CNGB3: variants seen among roughly 807,000 people sequenced by gnomAD.
CNGB3 encodes the protein cyclic nucleotide-gated channel beta-3.
In CNGB3, 86 loss-of-function variants were observed where a neutral mutation model predicts 92.8. The observed-to-expected ratio is 0.93, with a 90% CI of 0.78 to 1.11. CNGB3 has a LOEUF of 1.11. Ranked by LOEUF, CNGB3 falls within the 50% of genes least tolerant of loss-of-function variation. The pLI, the probability that CNGB3 is intolerant of heterozygous loss-of-function variation, is 0.00. For missense variants in CNGB3, 1,026 were observed against 956.8 expected, an observed-to-expected ratio of 1.07 and a Z score of -0.95; for synonymous variants, 333 against 332.7, an observed-to-expected ratio of 1.00 and a Z score of -0.01.
intron 7 of CNGB3, among the ~76,000 whole-genome samples, chr8:86,653,211 C>A (rs1430621465): frequency 1.3e-5 from 2 of 151,958 alleles, no homozygotes; most frequent in Non-Finnish European, 2.9e-5. Flanking sequence ...TTGGAATAAG[C>A]TTTATGGCAT....
At chr8:86,591,848 T>G (rs1436317571) in intron 15 of CNGB3, among the ~76,000 whole-genome samples, 1 of 152,198 alleles carries the variant, frequency 6.6e-6, no homozygotes, top group Non-Finnish European at 1.5e-5. Flanking sequence ...CAGGCCTCCT[T>G]GAGCTGTGGT....
At chr8:86,654,588 C>T (rs1823467744) in intron 6 of CNGB3, among the ~76,000 whole-genome samples, 3 of 152,002 alleles carry the variant, frequency 2.0e-5, no homozygotes, top group South Asian at 4.2e-4. Context: ...TTAACTAGTG[C>T]CTAGAATATA....
intron 6 of CNGB3, chr8:86,661,872 T>C: frequency 1.9e-6 from 2 of 1,044,744 alleles, no homozygotes; most frequent in Non-Finnish European, 3.0e-6. Context: ...CAGATTTGGG[T>C]CATCACAGTC....
chr8:86,631,605 G>T (rs1000257289), intron 11 of CNGB3, among the ~76,000 whole-genome samples: 2 of 151,966 alleles, frequency 1.3e-5, no homozygotes, highest in African/African-American at 4.8e-5. Flanking sequence ...TATTCAAATG[G>T]ATTTGAATTT....
chr8:86,722,522 A>G (rs1186046798), intron 3 of CNGB3, among the ~76,000 whole-genome samples: 1 of 152,198 alleles, frequency 6.6e-6, no homozygotes, highest in Non-Finnish European at 1.5e-5. Context: ...TTATGTGTCA[A>G]CTTGACTGAG....
At chr8:86,586,642 C>T (rs1348968230) in intron 15 of CNGB3, among the ~76,000 whole-genome samples, 1 of 151,422 alleles carries the variant, frequency 6.6e-6, no homozygotes, top group Admixed American at 6.6e-5. Flanking sequence ...CAATTTCATC[C>T]ATGTCCCTAC....
intron 6 of CNGB3, chr8:86,657,463 C>T (rs1823533810): frequency 1.9e-6 from 1 of 517,218 alleles, no homozygotes; most frequent in African/African-American, 2.0e-5. Context: ...AGCCTGGGTG[C>T]TCCTGGGGGT....
intron 6 of CNGB3, chr8:86,657,405 A>G: frequency 4.1e-6 from 2 of 484,564 alleles, no homozygotes; most frequent in South Asian, 1.6e-5. Flanking sequence ...TCTTCACCTC[A>G]TTTCTTGTCA....
chr8:86,582,442 C>A (rs554671649), intron 15 of CNGB3, among the ~76,000 whole-genome samples: 1 of 148,988 alleles, frequency 6.7e-6, no homozygotes, highest in Admixed American at 6.7e-5. Flanking sequence ...ATGTCAGATA[C>A]AAAACCATAG....
intron 14 of CNGB3, among the ~76,000 whole-genome samples, chr8:86,611,374 TCTATC>T (rs1223146768): frequency 1.3e-5 from 2 of 152,196 alleles, no homozygotes. Flanking sequence ...TACCCACACT[TCTATC>T]CTATAATATA....
At chr8:86,704,079 C>T (rs1212271477) in intron 3 of CNGB3, 1 of 152,142 alleles carries the variant, frequency 6.6e-6, no homozygotes, top group Admixed American at 6.6e-5. Context: ...CTACTAATAG[C>T]CTACTGTTGG....
In CNGB3 at chr8:86,602,050, G is replaced by C. The variant is rs1179138038; in HGVS notation, c.1781+2043C>G. Among the ~76,000 whole-genome samples the C allele has an allele frequency of 2.0e-5, 3 of 152,214 alleles. 1 individual carries two copies. The East Asian group carries it at 5.8e-4, about 29-fold the overall frequency. ...TGTATTTATAAAGCTTATTCTTCAG[G>C]GAGTACTCAACCCTTGGGAAAGGTC... On this transcript the variant is annotated intron_variant, in intron 15 of 17. Transcript: ENST00000320005.
intron 13 of CNGB3, among the ~76,000 whole-genome samples, chr8:86,620,739 T>C (rs969564931): frequency 2.6e-5 from 4 of 152,224 alleles, no homozygotes; most frequent in Admixed American, 2.6e-4. Flanking sequence ...AGTGCAAGGA[T>C]CAGTCAGGTA....
intron 3 of CNGB3, among the ~76,000 whole-genome samples, chr8:86,718,187 G>GAAAC (rs1183684715): frequency 6.6e-6 from 1 of 151,800 alleles, no homozygotes; most frequent in Non-Finnish European, 1.5e-5. Context: ...AAATGAACCT[G>GAAAC]AAACAAACAA....
intron 15 of CNGB3, among the ~76,000 whole-genome samples, chr8:86,584,059 C>G (rs769864093): frequency 6.6e-6 from 1 of 151,560 alleles, no homozygotes; most frequent in African/African-American, 2.4e-5. Flanking sequence ...TAGTCTTTTC[C>G]TAAGGTACTC....
At chr8:86,717,736 T>A (rs564562433) in intron 3 of CNGB3, among the ~76,000 whole-genome samples, 1 of 152,246 alleles carries the variant, frequency 6.6e-6, no homozygotes, top group East Asian at 1.9e-4. Context: ...ACCTGGAACA[T>A]TCTTCAAGAT....
intron 8 of CNGB3, among the ~76,000 whole-genome samples, chr8:86,646,484 T>A (rs1823293995): frequency 6.6e-6 from 1 of 151,144 alleles, no homozygotes; most frequent in Admixed American, 6.6e-5. Context: ...CTGGACAGAT[T>A]TTTCCGCCAT....
At chr8:86,706,887 A>G (rs1015491036) in intron 3 of CNGB3, among the ~76,000 whole-genome samples, 9 of 152,226 alleles carry the variant, frequency 5.9e-5, no homozygotes, top group Non-Finnish European at 1.2e-4. Flanking sequence ...TCTTGACCTC[A>G]AATAGCTTAA....
intron 3 of CNGB3, among the ~76,000 whole-genome samples, chr8:86,711,049 G>C (rs1043548472): frequency 6.6e-5 from 10 of 152,072 alleles, no homozygotes; most frequent in African/African-American, 2.4e-4. Context: ...AACTTATTTT[G>C]GTAGTATTGC....
Sources: gnomAD v4.1 joint callset for allele counts (sites outside exome capture counted in the v4.1 genomes callset) on GRCh38, gnomAD v4.1.1 for gene constraint, MANE v1.5 for transcripts, NCBI Gene and HGNC (gene_info 2026-07-23, HGNC 2026-07-21) for gene names.